The following CCDC7 variants were observed in gnomAD, a reference collection of about 807,000 sequenced individuals.
CCDC7 encodes the protein coiled-coil domain containing 7.
CCDC7 carries 183 observed loss-of-function variants against 196.9 expected under a neutral mutation model. The observed-to-expected ratio is 0.93, with a 90% CI of 0.82 to 1.05. The LOEUF (loss-of-function observed/expected upper bound fraction) is 1.05, where lower values mean the gene tolerates loss of function less well. Among genes scored for constraint, CCDC7 ranks in the 50% least tolerant of loss-of-function variants. The pLI is 0.00. For missense variants in CCDC7, 1,540 were observed against 1,482.2 expected (o/e 1.04, Z -0.64); for synonymous variants, 525 against 484.6 (o/e 1.08, Z -1.10).
chr10:32,547,616 G>A (rs540288231), intron 13 of CCDC7, among the ~76,000 whole-genome samples: 4 of 152,094 alleles, frequency 2.6e-5, no homozygotes, highest in Non-Finnish European at 4.4e-5. Flanking sequence ...TTATTTCTGT[G>A]GGTACATAGT....
chr10:32,804,815 C>T (rs2135146492), intron 29 of CCDC7, among the ~76,000 whole-genome samples, 200 bp from the exon 31 acceptor site: 1 of 152,192 alleles, frequency 6.6e-6, no homozygotes. Context: ...TGCCTCAATA[C>T]ACTAAGGCTT....
chr10:32,767,977 A>G (rs1336267072), intron 28 of CCDC7, among the ~76,000 whole-genome samples: 3 of 152,120 alleles, frequency 2.0e-5, no homozygotes, highest in Non-Finnish European at 2.9e-5. Flanking sequence ...GGACATATAC[A>G]AAAATGCATC....
At chr10:32,707,085 A>T (rs2079909328) in intron 24 of CCDC7, among the ~76,000 whole-genome samples, 3 of 152,210 alleles carry the variant, frequency 2.0e-5, no homozygotes. Context: ...AATACTAGCA[A>T]ACAGAATCCA....
At chr10:32,823,730 AT>A in intron 31 of CCDC7, among the ~76,000 whole-genome samples, 1 of 152,266 alleles carries the variant, frequency 6.6e-6, no homozygotes, top group African/African-American at 2.4e-5. Flanking sequence ...TCTTTAGTAG[AT>A]TTTTTAGTTT....
intron 41 of CCDC7, among the ~76,000 whole-genome samples, chr10:32,858,101 C>G (rs2093825424): frequency 6.6e-6 from 1 of 151,932 alleles, no homozygotes; most frequent in Non-Finnish European, 1.5e-5. Context: ...CTTAGACAAA[C>G]CAATACCAAA....
intron 21 of CCDC7, among the ~76,000 whole-genome samples, chr10:32,674,835 A>G (rs1299091926): frequency 6.6e-6 from 1 of 151,704 alleles, no homozygotes; most frequent in Admixed American, 6.6e-5. Flanking sequence ...TGACCCTTTT[A>G]TTTTTGTGTG....
intron 25 of CCDC7, chr10:32,725,414 A>G (rs773619614): frequency 2.1e-6 from 1 of 469,728 alleles, no homozygotes; most frequent in South Asian, 1.6e-5. Flanking sequence ...TATTAGTTAC[A>G]TGGATTAGTA....
At position 32,583,365 on chromosome 10, in the gene CCDC7, A is replaced by G. The variant is rs187756024; in HGVS notation, c.1728+58A>G. On this transcript the variant is annotated intron_variant, in intron 17 of 41. Transcript: ENST00000639629. The stretch of plus-strand genomic sequence containing the variant: ...ATTTCATATTGCTCCTTCAATAAAT[A>G]AATGCTAACCCATTTAAATGGGTTA... 395 of 1,098,822 alleles carry G rather than the reference A, an allele frequency of 3.6e-4. 1 individual carries two copies. In the African/African-American group the frequency reaches 5.9e-3, roughly 16 times the overall value. The allele number at this position is 1,098,822 out of a possible 1,614,324, so 68.1% of individuals were successfully genotyped here. A position where few individuals can be genotyped will look rare whatever the true frequency, so the allele number is the denominator to read the frequency against.
At chr10:32,856,498 C>A (rs538160919) in intron 41 of CCDC7, among the ~76,000 whole-genome samples, 55 of 152,262 alleles carry the variant, frequency 3.6e-4, no homozygotes, top group Non-Finnish European at 6.2e-4. Flanking sequence ...AAGCCCTCTA[C>A]AGCCTGAGTT....
intron 32 of CCDC7, among the ~76,000 whole-genome samples, chr10:32,825,128 C>T (rs1174070055): frequency 6.6e-6 from 1 of 152,022 alleles, no homozygotes; most frequent in Non-Finnish European, 1.5e-5. Flanking sequence ...CGTGTTATAC[C>T]CATAGAGGCA....
At chr10:32,814,283 C>A (rs1253487741) in intron 30 of CCDC7, 87 bp from the exon 32 acceptor site, 1 of 926,532 alleles carries the variant, frequency 1.1e-6, no homozygotes, top group Non-Finnish European at 1.7e-6. Flanking sequence ...TAGTAACACA[C>A]ACACATATAT....
intron 28 of CCDC7, among the ~76,000 whole-genome samples, chr10:32,737,072 G>A (rs952343429): frequency 5.3e-5 from 8 of 152,004 alleles, no homozygotes; most frequent in Admixed American, 5.2e-4. Context: ...AATCATAAAT[G>A]GGCTTTAGAT....
At chr10:32,567,749 C>T in exon 15 of CCDC7, 3 of 1,613,128 alleles carry the variant, frequency 1.9e-6, no homozygotes, top group Non-Finnish European at 2.5e-6. Flanking sequence ...AAAACTGAGA[C>T]AACAATGCAA....
intron 11 of CCDC7, among the ~76,000 whole-genome samples, chr10:32,541,375 A>G (rs1360729501): frequency 3.2e-5 from 3 of 95,010 alleles, no homozygotes; most frequent in African/African-American, 1.2e-4. Context: ...ATGGGTATCA[A>G]TGGGAGGGGT....
chr10:32,741,717 C>T (rs1296856149), intron 28 of CCDC7, among the ~76,000 whole-genome samples: 1 of 151,982 alleles, frequency 6.6e-6, no homozygotes, highest in Non-Finnish European at 1.5e-5. Context: ...TTTAAATCTT[C>T]CATTTCTCTT....
chr10:32,685,295 A>T (rs1413119434), intron 21 of CCDC7, among the ~76,000 whole-genome samples: 1 of 150,664 alleles, frequency 6.6e-6, no homozygotes, highest in Non-Finnish European at 1.5e-5. Context: ...TTACAACTCT[A>T]TGTATAGCTG....
chr10:32,766,604 A>G (rs577773810), intron 28 of CCDC7, among the ~76,000 whole-genome samples: 155 of 152,172 alleles, frequency 1.0e-3, no homozygotes, highest in African/African-American at 3.4e-3. Context: ...TTGGCCTGCT[A>G]TTGGGTGTTA....
At chr10:32,853,049 G>T (rs1016613300) in intron 40 of CCDC7, among the ~76,000 whole-genome samples, 1 of 152,078 alleles carries the variant, frequency 6.6e-6, no homozygotes, top group African/African-American at 2.4e-5. Context: ...GTTAGTCATT[G>T]TTCATTATAT....
At chr10:32,567,720 G>A (rs375003515) in exon 15 of CCDC7, 2 of 1,613,286 alleles carry the variant, frequency 1.2e-6, no homozygotes, top group Non-Finnish European at 1.7e-6. Context: ...ATCAAGAGAA[G>A]TTACTTAAAA....
Sources: allele counts gnomAD v4.1 joint callset (sites outside exome capture counted in the v4.1 genomes callset), GRCh38; gene constraint gnomAD v4.1.1; transcripts MANE v1.5; gene names NCBI Gene and HGNC (gene_info 2026-07-23, HGNC 2026-07-21).